TSPAN9: variants seen among roughly 807,000 people sequenced by gnomAD.
TSPAN9 encodes tetraspanin 9.
Under a neutral mutation model 31.0 loss-of-function variants are expected in TSPAN9, and 16 were observed. That is an observed-to-expected ratio of 0.52 (90% CI 0.35 to 0.78). The LOEUF (loss-of-function observed/expected upper bound fraction) is 0.78, where lower values mean the gene tolerates loss of function less well. TSPAN9 is among the 30% of genes least tolerant of loss of function. The pLI, the probability that TSPAN9 is intolerant of heterozygous loss-of-function variation, is 0.01. For missense variants in TSPAN9, 272 were observed against 312.5 expected, an observed-to-expected ratio of 0.87 and a Z score of 0.98; for synonymous variants, 145 against 121.6, an observed-to-expected ratio of 1.19 and a Z score of -1.27.
At chr12:3,265,141 C>G (rs995362466) in intron 3 of TSPAN9, among the ~76,000 whole-genome samples, 2 of 152,238 alleles carry the variant, frequency 1.3e-5, no homozygotes, top group African/African-American at 2.4e-5. Context: ...TGCTGAGTAA[C>G]TAACTGGCTG....
intron 2 of TSPAN9, among the ~76,000 whole-genome samples, chr12:3,090,482 G>A (rs1213066921): frequency 6.6e-6 from 1 of 152,252 alleles, no homozygotes. Flanking sequence ...TGTCAGCTGG[G>A]CTCCCCTGCT....
At chr12:3,167,185 T>G (rs765912685) in intron 2 of TSPAN9, among the ~76,000 whole-genome samples, 1 of 152,176 alleles carries the variant, frequency 6.6e-6, no homozygotes, top group Non-Finnish European at 1.5e-5. Flanking sequence ...AAAATAAGAT[T>G]CATCCACGTA....
At chr12:3,119,582 C>G (rs2098324131) in intron 2 of TSPAN9, among the ~76,000 whole-genome samples, 1 of 152,190 alleles carries the variant, frequency 6.6e-6, no homozygotes, top group African/African-American at 2.4e-5. Context: ...CTCAGCCCGT[C>G]CTGCCCCTGC....
At chr12:3,251,462 C>CT (rs1173972742) in intron 3 of TSPAN9, among the ~76,000 whole-genome samples, 3 of 150,770 alleles carry the variant, frequency 2.0e-5, no homozygotes, top group African/African-American at 7.3e-5. Context: ...TTCAAAAGTT[C>CT]TTTTTTCAAA....
chr12:3,112,325 C>T (rs551780456), intron 2 of TSPAN9, among the ~76,000 whole-genome samples: 3 of 151,626 alleles, frequency 2.0e-5, no homozygotes, highest in Admixed American at 6.6e-5. Context: ...TACAGGCATG[C>T]ACCACCATGC....
chr12:3,194,509 C>T (rs1475377098), intron 2 of TSPAN9, among the ~76,000 whole-genome samples: 1 of 152,158 alleles, frequency 6.6e-6, no homozygotes, highest in African/African-American at 2.4e-5. Flanking sequence ...GCCTCAGCCT[C>T]CTGAGTAGCT....
intron 3 of TSPAN9, among the ~76,000 whole-genome samples, chr12:3,274,529 T>G (rs1483601801): frequency 6.6e-6 from 1 of 151,814 alleles, no homozygotes; most frequent in Non-Finnish European, 1.5e-5. Context: ...GAAGGCCCAG[T>G]GTTGGTGCCT....
At chr12:3,139,366 C>T (rs1378824238) in intron 2 of TSPAN9, among the ~76,000 whole-genome samples, 2 of 152,160 alleles carry the variant, frequency 1.3e-5, no homozygotes, top group Non-Finnish European at 2.9e-5. Context: ...CTCCCCCTCC[C>T]CCTCCTCCCC....
chr12:3,173,874 T>C (rs915574732), intron 2 of TSPAN9: 8 of 152,262 alleles, frequency 5.3e-5, no homozygotes, highest in African/African-American at 1.9e-4. Flanking sequence ...TATAAGCTGC[T>C]TGAAAACAGG....
chr12:3,192,344 G>C lies in TSPAN9; in HGVS notation c.-17-8833G>C, dbSNP rs2098364839. On this transcript the variant is annotated intron_variant, in intron 2 of 8. Transcript: ENST00000011898. The surrounding 1 kb of genome is among the most constrained non-coding windows in gnomAD (Gnocchi z 4.6). ...GGGTGGGCGCAGGAGGGAATGGAAGGCTGCAGGGGCTGCCGCAGGACCCCA... is the reference window on the plus strand; with the variant it reads ...GGGTGGGCGCAGGAGGGAATGGAAGCCTGCAGGGGCTGCCGCAGGACCCCA... Among the ~76,000 whole-genome samples, 2 of 152,134 alleles carry C rather than the reference G, an allele frequency of 1.3e-5. No homozygotes were observed. The highest frequency in any genetic ancestry group is 2.9e-5 in the Non-Finnish European group (2 of 68,024).
rs190719334 is a variant in TSPAN9 at position 3,172,431 on chromosome 12, C to T, written c.-17-28746C>T. 13 of 152,360 alleles carry T rather than the reference C, an allele frequency of 8.5e-5. No homozygotes were observed. Among genetic ancestry groups the T allele is most frequent in the African/African-American group, 2.4e-4 (10 of 41,586 alleles). 9.4% of individuals were successfully genotyped at this position (152,360 alleles called of 1,614,324 possible). On this transcript the variant is annotated intron_variant, in intron 2 of 8. Transcript: ENST00000011898. This position sits in a 1 kb window ranked among gnomAD's most constrained non-coding sequence, Gnocchi z 4.8. ...CAGACCTGATTCTTTATCTCTAAAA[C>T]GAGAGAGATTAATAACTGGTGGTTC...
At chr12:3,083,486 CATTAG>C (rs2098298902) in intron 1 of TSPAN9, among the ~76,000 whole-genome samples, 162 bp from the exon 2 acceptor site, 1 of 152,210 alleles carries the variant, frequency 6.6e-6, no homozygotes, top group Non-Finnish European at 1.5e-5. Flanking sequence ...AACTGAGTGG[CATTAG>C]CACACTGCCT....
At chr12:3,078,622 C>G (rs2098296301) in intron 1 of TSPAN9, among the ~76,000 whole-genome samples, 1 of 152,132 alleles carries the variant, frequency 6.6e-6, no homozygotes. Context: ...GACAATTACA[C>G]CGGCTTCCTA....
intron 8 of TSPAN9, chr12:3,282,244 C>T (rs1862909157): frequency 7.3e-6 from 4 of 549,968 alleles, no homozygotes; most frequent in Non-Finnish European, 1.3e-5. Context: ...CCTCTGGGTC[C>T]CCGGCTCCTT....
At chr12:3,263,409 T>C (rs1332308137) in intron 3 of TSPAN9, among the ~76,000 whole-genome samples, 1 of 152,198 alleles carries the variant, frequency 6.6e-6, no homozygotes, top group African/African-American at 2.4e-5. Context: ...CTCATAAGCA[T>C]ATGCGGAGAG....
intron 3 of TSPAN9, among the ~76,000 whole-genome samples, chr12:3,223,152 G>T (rs1193932570): frequency 6.6e-6 from 1 of 152,226 alleles, no homozygotes; most frequent in African/African-American, 2.4e-5. Flanking sequence ...AGCCGCTATT[G>T]TGCTAGGTCG....
chr12:3,080,537 C>T (rs2153961492), intron 1 of TSPAN9, among the ~76,000 whole-genome samples: 1 of 152,096 alleles, frequency 6.6e-6, no homozygotes, highest in Middle Eastern at 3.4e-3. Context: ...GGGGTTTCAC[C>T]ATGTTGGCCA....
chr12:3,137,061 G>A (rs1351587460), intron 2 of TSPAN9, among the ~76,000 whole-genome samples: 1 of 152,232 alleles, frequency 6.6e-6, no homozygotes, highest in Non-Finnish European at 1.5e-5. Context: ...GATCAACTGA[G>A]GCAGGGGACT....
intron 2 of TSPAN9, among the ~76,000 whole-genome samples, chr12:3,100,087 G>A (rs941033289): frequency 2.0e-5 from 3 of 151,918 alleles, no homozygotes; most frequent in Non-Finnish European, 2.9e-5. Flanking sequence ...ATGGTGATCC[G>A]CCCGCCTCGG....
Sources: allele counts gnomAD v4.1 joint callset (sites outside exome capture counted in the v4.1 genomes callset), GRCh38; gene constraint gnomAD v4.1.1; non-coding constraint Gnocchi (gnomAD v3.1); transcripts MANE v1.5; gene names NCBI Gene and HGNC (gene_info 2026-07-23, HGNC 2026-07-21).